Variants in DOCK1 observed in about 807,000 individuals in gnomAD.
The protein encoded by DOCK1 is dedicator of cytokinesis protein 1.
DOCK1 carries 138 observed loss-of-function variants against 262.7 expected under a neutral mutation model. That is an observed-to-expected ratio of 0.53 (90% CI 0.46 to 0.61). The LOEUF is 0.61. DOCK1 is among the 20% of genes least tolerant of loss of function. DOCK1 has a pLI of 0.00. For synonymous variants in DOCK1, 866 were observed against 867.4 expected (o/e 1.00, Z 0.03); for missense variants, 1,908 against 2,370.7 (o/e 0.80, Z 4.05).
chr10:126,957,223 A>G (rs2036817748), intron 1 of DOCK1, among the ~76,000 whole-genome samples: 1 of 151,862 alleles, frequency 6.6e-6, no homozygotes, highest in African/African-American at 2.4e-5. Flanking sequence ...ACTACAAAGA[A>G]ACCAAATATT....
chr10:127,193,428 G>A (rs1329662645), intron 27 of DOCK1, among the ~76,000 whole-genome samples: 2 of 152,150 alleles, frequency 1.3e-5, no homozygotes, highest in African/African-American at 4.8e-5. Flanking sequence ...GCCCTCCTAC[G>A]TAAATATCTG....
intron 38 of DOCK1, among the ~76,000 whole-genome samples, chr10:127,401,629 A>T (rs924372754): frequency 6.6e-5 from 10 of 152,284 alleles, no homozygotes; most frequent in Admixed American, 5.2e-4. Context: ...CTGAGATCTT[A>T]TCAGGAAGCT....
At chr10:127,212,605 T>C (rs191857856) in intron 27 of DOCK1, among the ~76,000 whole-genome samples, 82 of 152,154 alleles carry the variant, frequency 5.4e-4, no homozygotes, top group Non-Finnish European at 4.7e-4. Flanking sequence ...CCTCTCCTTG[T>C]AGTGATTTCC....
intron 1 of DOCK1, among the ~76,000 whole-genome samples, chr10:126,935,089 C>G (rs1363146151): frequency 6.6e-6 from 1 of 152,200 alleles, no homozygotes; most frequent in Non-Finnish European, 1.5e-5. Context: ...GCCTGGGTGA[C>G]AGAGCGAGAC....
intron 10 of DOCK1, among the ~76,000 whole-genome samples, chr10:127,004,769 G>GCCCC (rs1285670669): frequency 9.1e-4 from 13 of 14,256 alleles, no homozygotes; most frequent in Non-Finnish European, 1.3e-3. Context: ...CCCCTGCCCC[G>GCCCC]CCACCCCCCC....
chr10:127,194,357 G>A (rs2056953115), intron 27 of DOCK1, among the ~76,000 whole-genome samples: 1 of 152,182 alleles, frequency 6.6e-6, no homozygotes, highest in Non-Finnish European at 1.5e-5. Flanking sequence ...GCAGATGGCA[G>A]GACTTCCATT....
chr10:127,137,857 A>C, intron 27 of DOCK1: 1 of 1,613,888 alleles, frequency 6.2e-7, no homozygotes, highest in Non-Finnish European at 8.5e-7. Flanking sequence ...CAGAGTTTCC[A>C]TCTTCCGTGC....
At chr10:127,110,798 T>A (rs1382282229) in intron 25 of DOCK1, among the ~76,000 whole-genome samples, 1 of 152,248 alleles carries the variant, frequency 6.6e-6, no homozygotes, top group Non-Finnish European at 1.5e-5. Flanking sequence ...AATAAGAATT[T>A]CAATGATTCT....
Position 126,998,228 on chromosome 10 carries a change from C to A in DOCK1, c.746C>A (p.Pro249His). The change falls in exon 8 of 52, where the codon CCT (proline) becomes CAT (histidine). Residue 249 changes from proline to histidine, a missense_variant. Pro to His is a moderately conservative substitution (Grantham distance 77). This residue lies in a region of DOCK1 where 102 missense variants were observed against 154.9 expected (regional missense o/e 0.66). Transcript: ENST00000623213. ...DAEVLMSLYD[P>H]VESKFISENY... ...GAAGTCCTCATGTCTCTATATGACC[C>A]TGTGGAGTCCAAATTCATCAGGTGG... 6.2e-7 allele frequency: 1 copy of A among 1,613,644 alleles called. No homozygotes were observed. Among genetic ancestry groups the A allele is most frequent in the Non-Finnish European group, 8.5e-7 (1 of 1,179,742 alleles).
chr10:127,363,940 A>G (rs1428597434), intron 33 of DOCK1, among the ~76,000 whole-genome samples: 1 of 152,240 alleles, frequency 6.6e-6, no homozygotes, highest in Non-Finnish European at 1.5e-5. Flanking sequence ...TAACATTGGC[A>G]TGAAATAGAA....
chr10:126,918,312 G>T (rs1011008982), intron 1 of DOCK1, among the ~76,000 whole-genome samples: 3 of 152,216 alleles, frequency 2.0e-5, no homozygotes, highest in African/African-American at 4.8e-5. Context: ...GTGCAGCGGG[G>T]GCTCTGCTGA....
At chr10:126,957,241 G>A (rs1457968739) in intron 1 of DOCK1, among the ~76,000 whole-genome samples, 2 of 152,058 alleles carry the variant, frequency 1.3e-5, no homozygotes, top group Admixed American at 6.5e-5. Context: ...ATTTTTTGGC[G>A]AGTCCCTGGC....
Position 127,451,715 on chromosome 10 carries a change from CA to C in DOCK1, c.*291del. On this transcript the variant is annotated 3_prime_UTR_variant, in exon 52 of 52. Transcript: ENST00000623213. Reference sequence around the variant, plus strand: ...GCTCTGAGAGAGTCTGAGTCTTGCCCAAACATTCTTTCTTTTTGTGCCAAAT... The same window carrying C: ...GCTCTGAGAGAGTCTGAGTCTTGCCCAACATTCTTTCTTTTTGTGCCAAAT... 1 of 486,762 alleles carries C rather than the reference CA, an allele frequency of 2.1e-6. No individual in the cohort carries two copies. 30.2% of individuals were successfully genotyped at this position (486,762 alleles called of 1,614,324 possible). A position where few individuals can be genotyped will look rare whatever the true frequency, so the allele number is the denominator to read the frequency against.
rs551555889 is a variant in DOCK1 at position 127,288,350 on chromosome 10, A to G, written c.3044+30921A>G. Among the ~76,000 whole-genome samples the G allele has an allele frequency of 1.2e-4, 19 of 152,278 alleles. No homozygotes were observed. In the South Asian group the frequency reaches 3.9e-3, roughly 32 times the overall value. On this transcript the variant is annotated intron_variant, in intron 29 of 51. Transcript: ENST00000623213. ...CCCAAACCTGGAATAAGCCAAGAAT[A>G]TATAGTTGCTTTTAGTGGGAAGTGG...
chr10:127,004,613 G>A (rs2040852714), intron 10 of DOCK1, among the ~76,000 whole-genome samples: 2 of 151,974 alleles, frequency 1.3e-5, no homozygotes, highest in South Asian at 4.1e-4. Context: ...TGGGCGCTTG[G>A]TGGCTTGCAC....
chr10:127,197,469 C>A (rs1384429988), intron 27 of DOCK1, among the ~76,000 whole-genome samples: 1 of 152,146 alleles, frequency 6.6e-6, no homozygotes, highest in Non-Finnish European at 1.5e-5. Flanking sequence ...GGGGTCTGGG[C>A]CAGGGACTAA....
At chr10:127,201,624 T>C (rs763381634) in intron 27 of DOCK1, among the ~76,000 whole-genome samples, 7 of 152,160 alleles carry the variant, frequency 4.6e-5, no homozygotes, top group Non-Finnish European at 8.8e-5. Context: ...TAATGCTCCC[T>C]GCAACTGAGG....
chr10:127,390,038 G>T (rs1344851417), intron 38 of DOCK1, among the ~76,000 whole-genome samples: 5 of 150,324 alleles, frequency 3.3e-5, no homozygotes, highest in Non-Finnish European at 5.9e-5. Flanking sequence ...GGGGCTGTGA[G>T]ACCTCCCTGC....
intron 1 of DOCK1, among the ~76,000 whole-genome samples, chr10:126,927,469 C>T (rs180731109): frequency 3.3e-5 from 5 of 152,080 alleles, no homozygotes; most frequent in African/African-American, 1.2e-4. Flanking sequence ...GACAGGGTCT[C>T]ACTCTGTCGC....
Sources: allele counts gnomAD v4.1 joint callset (sites outside exome capture counted in the v4.1 genomes callset), GRCh38; gene constraint gnomAD v4.1.1; regional missense constraint gnomAD v4.1.1; transcripts MANE v1.5; gene names NCBI Gene and HGNC (gene_info 2026-07-23, HGNC 2026-07-21).